Variants in LINGO2 observed in about 807,000 individuals in gnomAD.
LINGO2 encodes leucine-rich repeat and immunoglobulin-like domain-containing nogo receptor-interacting protein 2.
A neutral mutation model predicts 30.6 loss-of-function variants in LINGO2; 14 were observed. The ratio of observed to expected loss-of-function variants is 0.46; its 90% CI spans 0.30 to 0.72. LINGO2 has a LOEUF of 0.72. LINGO2 is among the 30% of genes least tolerant of loss of function. The probability of loss-of-function intolerance (pLI) is 0.07; values close to 1 mark genes in which losing one functional copy is unlikely to be tolerated. For synonymous variants in LINGO2, 317 were observed against 288.5 expected, an observed-to-expected ratio of 1.10 and a Z score of -1.00; for missense variants, 729 against 751.7, an observed-to-expected ratio of 0.97 and a Z score of 0.35.
chr9:28,005,578 CTTTTCTTT>C (rs140796654), intron 5 of LINGO2, among the ~76,000 whole-genome samples: 2 of 152,104 alleles, frequency 1.3e-5, no homozygotes, highest in East Asian at 3.9e-4. Context: ...GAAGTTCAAT[CTTTTCTTT>C]TTAAGTTTAA....
the LINGO2 span, among the ~76,000 whole-genome samples, chr9:28,983,810 A>G: frequency 6.6e-6 from 1 of 151,958 alleles, no homozygotes; most frequent in African/African-American, 2.4e-5. Context: ...AATAAAAAAT[A>G]AAATAATGTT....
At chr9:29,055,223 A>ACAACAG in the LINGO2 span, among the ~76,000 whole-genome samples, 2 of 151,760 alleles carry the variant, frequency 1.3e-5, no homozygotes, top group Admixed American at 1.3e-4. Flanking sequence ...CATCTCAACA[A>ACAACAG]CAACAACAAA....
chr9:27,953,440 G>A (rs936777679), intron 5 of LINGO2, among the ~76,000 whole-genome samples: 3 of 152,260 alleles, frequency 2.0e-5, no homozygotes, highest in Non-Finnish European at 4.4e-5. Context: ...CCAATACACT[G>A]TAACCCTTGA....
the LINGO2 span, among the ~76,000 whole-genome samples, chr9:29,140,390 C>T: frequency 6.6e-6 from 1 of 151,288 alleles, no homozygotes; most frequent in South Asian, 2.1e-4. Flanking sequence ...GAATAAAATA[C>T]CTGAATTTAA....
rs772040014 is a variant in LINGO2, at chr9:28,521,280, AG to A, written c.-364-45256del. 2.0e-4 allele frequency among the ~76,000 whole-genome samples: 30 copies of A among 152,330 alleles called. 1 individual carries two copies. Among genetic ancestry groups the A allele is most frequent in the South Asian group, 1.7e-3 (8 of 4,830 alleles). Reference sequence around the variant, plus strand: ...AGAAACATCGTCTCTGAAATTCAATAGATGATCTAAGGCAGCTAACTTTCCT... The same window carrying A: ...AGAAACATCGTCTCTGAAATTCAATAATGATCTAAGGCAGCTAACTTTCCT... On this transcript the variant is annotated intron_variant, in intron 1 of 5. Coordinates refer to ENST00000379992, the Ensembl canonical transcript of LINGO2.
intron 2 of LINGO2, among the ~76,000 whole-genome samples, chr9:28,438,609 T>A (rs1443303229): frequency 6.6e-6 from 1 of 152,090 alleles, no homozygotes; most frequent in African/African-American, 2.4e-5. Context: ...TAGCGTAAAT[T>A]TCCTTTTGCA....
Position 28,647,282 on chromosome 9 carries a change from T to A in LINGO2, c.-365+22918A>T, listed in dbSNP as rs192455570. Among the ~76,000 whole-genome samples the A allele has an allele frequency of 8.5e-4, 129 of 152,240 alleles. 2 individuals are homozygous for A. In the Middle Eastern group the frequency reaches 0.014, roughly 16 times the overall value. On this transcript the variant is annotated intron_variant, in intron 1 of 5. Transcript: ENST00000379992. ...AGCACCTCTTACTTCCCATAATAAC[T>A]TATTATGACTACTTAAATGTATAAG... is the stretch of plus-strand genomic sequence containing the variant.
At chr9:28,548,453 C>A (rs1416518253) in intron 1 of LINGO2, among the ~76,000 whole-genome samples, 1 of 151,926 alleles carries the variant, frequency 6.6e-6, no homozygotes, top group Non-Finnish European at 1.5e-5. Context: ...TGCCTGTAAT[C>A]CCAGTACTTT....
intron 2 of LINGO2, among the ~76,000 whole-genome samples, chr9:28,390,823 A>G (rs969344560): frequency 2.0e-5 from 3 of 152,202 alleles, no homozygotes; most frequent in Admixed American, 2.0e-4. Flanking sequence ...TGCTCTTCTT[A>G]TTATTCAGGA....
the LINGO2 span, among the ~76,000 whole-genome samples, chr9:28,943,400 T>C: frequency 6.6e-6 from 1 of 151,540 alleles, no homozygotes; most frequent in Non-Finnish European, 1.5e-5. Flanking sequence ...GCAAGCAAAA[T>C]GAGGATAGAT....
chr9:28,073,929 C>G (rs1825552308), intron 4 of LINGO2, among the ~76,000 whole-genome samples: 1 of 152,014 alleles, frequency 6.6e-6, no homozygotes, highest in Non-Finnish European at 1.5e-5. Flanking sequence ...CTACTATTGT[C>G]TTCAGAATAT....
At chr9:28,513,408 G>A (rs1820494085) in intron 1 of LINGO2, among the ~76,000 whole-genome samples, 1 of 152,022 alleles carries the variant, frequency 6.6e-6, no homozygotes, top group South Asian at 2.1e-4. Context: ...TATAACTATG[G>A]CACAGGATAT....
intron 3 of LINGO2, among the ~76,000 whole-genome samples, chr9:28,354,002 G>T (rs1331238735): frequency 6.6e-6 from 1 of 152,156 alleles, no homozygotes; most frequent in African/African-American, 2.4e-5. Context: ...GGGGCCTGTT[G>T]TGGGGTGGGT....
chr9:27,938,702 T>A, the LINGO2 span: 2 of 152,102 alleles, frequency 1.3e-5, no homozygotes, highest in African/African-American at 4.8e-5. Context: ...CAAGTTGCAA[T>A]CAATATGGAA....
At chr9:28,914,479 AACTC>A in the LINGO2 span, among the ~76,000 whole-genome samples, 1 of 152,210 alleles carries the variant, frequency 6.6e-6, no homozygotes, top group South Asian at 2.1e-4. Context: ...AAAAATAAAA[AACTC>A]ATCCAAGAAA....
At chr9:29,123,163 A>T in the LINGO2 span, among the ~76,000 whole-genome samples, 4 of 152,200 alleles carry the variant, frequency 2.6e-5, no homozygotes, top group Admixed American at 2.6e-4. Flanking sequence ...TGTAGACTAA[A>T]TTCATAATTT....
the LINGO2 span, among the ~76,000 whole-genome samples, chr9:28,789,440 T>G: frequency 6.6e-6 from 1 of 152,230 alleles, no homozygotes; most frequent in Admixed American, 6.5e-5. Context: ...GAGATATCAC[T>G]GTTTGCCCAG....
chr9:28,258,203 A>G (rs891258285), intron 4 of LINGO2, among the ~76,000 whole-genome samples: 1 of 151,948 alleles, frequency 6.6e-6, no homozygotes, highest in African/African-American at 2.4e-5. Context: ...TACAAAGGCT[A>G]TAAAAATATT....
the LINGO2 span, among the ~76,000 whole-genome samples, chr9:28,852,381 CA>C: frequency 6.6e-6 from 1 of 151,940 alleles, no homozygotes; most frequent in Admixed American, 6.6e-5. Flanking sequence ...ATGCACTTAG[CA>C]AATACTTACT....
Sources: gnomAD v4.1 joint callset for allele counts (sites outside exome capture counted in the v4.1 genomes callset) on GRCh38, gnomAD v4.1.1 for gene constraint, MANE v1.5 for transcripts, NCBI Gene and HGNC (gene_info 2026-07-23, HGNC 2026-07-21) for gene names.